Variants in STK17A observed in about 807,000 individuals in gnomAD.
The protein encoded by STK17A is serine/threonine-protein kinase 17A.
In STK17A, 26 loss-of-function variants were observed where a neutral mutation model predicts 43.7. The ratio of observed to expected loss-of-function variants is 0.60; its 90% CI spans 0.44 to 0.83. The LOEUF (loss-of-function observed/expected upper bound fraction) is 0.83. Ranked by LOEUF, STK17A falls within the 40% of genes least tolerant of loss-of-function variation. The pLI, the probability that STK17A is intolerant of heterozygous loss-of-function variation, is 0.00. For missense variants in STK17A, 476 were observed against 511.6 expected (o/e 0.93, Z 0.67); for synonymous variants, 191 against 182.5 (o/e 1.05, Z -0.38).
rs531202148 is a variant in STK17A at position 43,595,752 on chromosome 7, A to G, written c.207-149A>G. 5 of 634,118 alleles carry G rather than the reference A, an allele frequency of 7.9e-6. No individual in the cohort carries two copies. In the East Asian group the frequency reaches 8.3e-5, roughly 11 times the overall value. 39.3% of individuals were successfully genotyped at this position (634,118 alleles called of 1,614,324 possible). On this transcript the variant is annotated intron_variant, in intron 1 of 6. Coordinates refer to ENST00000319357, the MANE Select transcript of STK17A (RefSeq NM_004760.3). ...ATCTATAAATCTATAGATGTAGCCT[A>G]TATAAATTTCTAAGTGATGTTTCTA...
chr7:43,605,093 C>A (rs1287391785), intron 2 of STK17A, among the ~76,000 whole-genome samples: 2 of 152,214 alleles, frequency 1.3e-5, no homozygotes, highest in Non-Finnish European at 2.9e-5. Context: ...AATCTTTGAG[C>A]ATCTTTATAA....
chr7:43,608,556 G>C, intron 3 of STK17A, 156 bp downstream of exon 3: 1 of 779,040 alleles, frequency 1.3e-6, no homozygotes, highest in Non-Finnish European at 2.0e-6. Flanking sequence ...TAGCCAGTTA[G>C]TTTTATCAGG....
At chr7:43,608,531 T>C (rs1583562089) in intron 3 of STK17A, 131 bp downstream of exon 3, 1 of 1,051,296 alleles carries the variant, frequency 9.5e-7, no homozygotes, top group East Asian at 2.6e-5. Flanking sequence ...GAATTGAGTC[T>C]TTACTCCTAT....
chr7:43,619,486 T>C, intron 3 of STK17A, 111 bp from the exon 4 acceptor site: 20 of 1,326,926 alleles, frequency 1.5e-5, no homozygotes, highest in Non-Finnish European at 2.1e-5. Flanking sequence ...GACTGTTTAC[T>C]GTTAAATTCC....
At chr7:43,602,052 T>C in intron 2 of STK17A, among the ~76,000 whole-genome samples, 1 of 152,124 alleles carries the variant, frequency 6.6e-6, no homozygotes, top group East Asian at 1.9e-4. Flanking sequence ...TCCTCTAATA[T>C]CTGTCTTTGT....
In STK17A at chr7:43,596,016, G is replaced by A. The variant is rs777075015; in HGVS notation, c.322G>A (p.Glu108Lys). 7.4e-6 allele frequency: 12 copies of A among 1,613,944 alleles called. No homozygotes were observed. Among genetic ancestry groups the A allele is most frequent in the Non-Finnish European group, 1.0e-5 (12 of 1,179,944 alleles). Residue 108 changes from glutamate (E) to lysine (K), a missense_variant, in exon 2 of 7, where the codon GAG (glutamate) becomes AAG (lysine). Glu to Lys is a moderately conservative substitution (Grantham distance 56). Coordinates refer to ENST00000319357, the MANE Select transcript of STK17A (RefSeq NM_004760.3). Reference protein sequence around the residue: ...GQDCRMEIIHEIAVLELAQDN... With the variant: ...GQDCRMEIIHKIAVLELAQDN... ...AGATTGTCGGATGGAAATAATTCAT[G>A]AGATTGCTGTACTTGAACTAGCACA...
At chr7:43,601,893 T>C (rs996382148) in intron 2 of STK17A, among the ~76,000 whole-genome samples, 1 of 152,158 alleles carries the variant, frequency 6.6e-6, no homozygotes, top group Non-Finnish European at 1.5e-5. Context: ...TAATCTCTTA[T>C]GTCCTTTTAA....
intron 1 of STK17A, among the ~76,000 whole-genome samples, chr7:43,594,155 G>A (rs2082499173): frequency 6.6e-6 from 1 of 152,146 alleles, no homozygotes; most frequent in Non-Finnish European, 1.5e-5. Flanking sequence ...CTATACAGGA[G>A]GCTGAGGTGG....
chr7:43,609,056 G>A (rs989683821), intron 3 of STK17A: 2 of 152,284 alleles, frequency 1.3e-5, no homozygotes, highest in African/African-American at 4.8e-5. Context: ...GCTGAAACCA[G>A]GGTAAGCAAA....
chr7:43,616,108 A>G (rs2083316226), intron 3 of STK17A, among the ~76,000 whole-genome samples: 1 of 152,182 alleles, frequency 6.6e-6, no homozygotes. Context: ...CAATCAATAA[A>G]TATTTGTTGA....
chr7:43,583,489 G>A, intron 1 of STK17A, 40 bp downstream of exon 1: 1 of 1,262,720 alleles, frequency 7.9e-7, no homozygotes, highest in South Asian at 2.9e-5. Context: ...CTTCCCGGAC[G>A]CGCGGGGCGG....
chr7:43,583,484 C>A (rs1286029182), intron 1 of STK17A, 35 bp downstream of exon 1: 1 of 1,252,226 alleles, frequency 8.0e-7, no homozygotes, highest in South Asian at 3.0e-5. Flanking sequence ...GGAACCTTCC[C>A]GGACGCGCGG....
chr7:43,594,768 G>A (rs2082502993), intron 1 of STK17A, among the ~76,000 whole-genome samples: 1 of 150,716 alleles, frequency 6.6e-6, no homozygotes, highest in South Asian at 2.1e-4. Flanking sequence ...ATACAGATTA[G>A]AAAAATGAGA....
At chr7:43,589,476 C>T (rs2082464855) in intron 1 of STK17A, among the ~76,000 whole-genome samples, 1 of 151,410 alleles carries the variant, frequency 6.6e-6, no homozygotes, top group African/African-American at 2.4e-5. Flanking sequence ...TCTATTATCT[C>T]TTCACCTTTG....
At chr7:43,621,819 G>T (rs1176586622) in intron 4 of STK17A, among the ~76,000 whole-genome samples, 1 of 152,090 alleles carries the variant, frequency 6.6e-6, no homozygotes, top group Non-Finnish European at 1.5e-5. Flanking sequence ...TGATTCAAAA[G>T]TACATAATAC....
intron 6 of STK17A, 144 bp from the exon 7 acceptor site, chr7:43,624,374 T>G: frequency 1.3e-6 from 1 of 786,242 alleles, no homozygotes; most frequent in Non-Finnish European, 1.9e-6. Flanking sequence ...ATTCCAAGAC[T>G]AATAGTTTTA....
chr7:43,620,822 A>G (rs1279776408), intron 4 of STK17A, among the ~76,000 whole-genome samples: 1 of 152,230 alleles, frequency 6.6e-6, no homozygotes, highest in Admixed American at 6.5e-5. Context: ...GGTCATGGAC[A>G]TCAGTGTGGA....
At chr7:43,596,399 T>A (rs1195372379) in intron 2 of STK17A, among the ~76,000 whole-genome samples, 1 of 152,244 alleles carries the variant, frequency 6.6e-6, no homozygotes, top group African/African-American at 2.4e-5. Context: ...AATACCAAAC[T>A]AATATTAAAA....
In STK17A at chr7:43,623,604, A is replaced by G. The variant is rs114472894; in HGVS notation, c.724A>G (p.Met242Val). 3 of 1,611,554 alleles carry G rather than the reference A, an allele frequency of 1.9e-6. No individual in the cohort carries two copies. The highest frequency in any genetic ancestry group is 2.2e-5 in the East Asian group (1 of 44,728). The part of the protein sequence containing the change: ...PEILSYDPIS[M>V]ATDMWSIGVL... The stretch of plus-strand genomic sequence containing the variant: ...AATTCTTAGTTATGATCCTATAAGC[A>G]TGGCAACAGATATGTGGTAAGAGTT... The change falls in exon 5 of 7, where the codon ATG becomes GTG. Residue 242 changes from methionine (M) to valine (V), a missense_variant. Around this residue, in one of 3 missense-constraint regions of STK17A, gnomAD observed 320 missense variants for 326.3 expected, o/e 0.98. Coordinates refer to ENST00000319357, the MANE Select transcript of STK17A (RefSeq NM_004760.3).
Sources: allele counts gnomAD v4.1 joint callset (sites outside exome capture counted in the v4.1 genomes callset), GRCh38; gene constraint gnomAD v4.1.1; regional missense constraint gnomAD v4.1.1; transcripts MANE v1.5; gene names NCBI Gene and HGNC (gene_info 2026-07-23, HGNC 2026-07-21).